Variants in ZNF148 observed in about 807,000 individuals in gnomAD.
ZNF148 encodes the protein zinc finger protein 148, also known as Beta-Enolase Repressor Factor-1.
In ZNF148, 7 loss-of-function variants were observed where a neutral mutation model predicts 67.7. The ratio of observed to expected loss-of-function variants is 0.10; its 90% CI spans 0.06 to 0.19. ZNF148 has a LOEUF of 0.19. Among genes scored for constraint, ZNF148 ranks in the 10% least tolerant of loss-of-function variants. The pLI is 1.00. For missense variants in ZNF148, 583 were observed against 947.1 expected (o/e 0.62, Z 5.05); for synonymous variants, 333 against 330.7 (o/e 1.01, Z -0.08).
chr3:125,307,811 ATT>A (rs34469920), intron 4 of ZNF148, among the ~76,000 whole-genome samples: 90,989 of 127,068 alleles, frequency 0.72, 32,375 homozygotes, highest in African/African-American at 0.78. Context: ...TGCCCAGATA[ATT>A]TTTTTTTTTT....
chr3:125,335,518 C>T (rs563603488), intron 1 of ZNF148, among the ~76,000 whole-genome samples: 2 of 152,288 alleles, frequency 1.3e-5, no homozygotes, highest in East Asian at 3.9e-4. Flanking sequence ...TAAAGAGATT[C>T]AACCTATTGA....
chr3:125,276,477 A>C (rs1938077240), intron 7 of ZNF148, among the ~76,000 whole-genome samples: 1 of 151,954 alleles, frequency 6.6e-6, no homozygotes. Flanking sequence ...CTTATTGCCC[A>C]GGCTGGAGTG....
intron 5 of ZNF148, among the ~76,000 whole-genome samples, chr3:125,282,997 C>T (rs957359197): frequency 6.6e-6 from 1 of 152,100 alleles, no homozygotes; most frequent in African/African-American, 2.4e-5. Flanking sequence ...CAATCAAAAT[C>T]AACTTTGAAG....
intron 5 of ZNF148, among the ~76,000 whole-genome samples, chr3:125,285,760 C>A: frequency 6.6e-6 from 1 of 152,084 alleles, no homozygotes; most frequent in South Asian, 2.1e-4. Flanking sequence ...CCTAAGAATT[C>A]TCTAAAGGGC....
At position 125,241,279 on chromosome 3, in the gene ZNF148, G is replaced by A. The variant is rs145307721; in HGVS notation, c.668-6950C>T. ...GGTAACTACATTTATTTGTTTGTGC[G>A]AGTTTCTTTACAGAGTTTCTTTCTT... On this transcript the variant is annotated intron_variant, in intron 7 of 8. Coordinates refer to ENST00000360647, the MANE Select transcript of ZNF148 (RefSeq NM_021964.3). Among the ~76,000 whole-genome samples the A allele has an allele frequency of 6.6e-3, 1,003 of 151,112 alleles. 3 individuals are homozygous for A. The highest frequency in any genetic ancestry group is 9.1e-3 in the Non-Finnish European group (614 of 67,776).
At chr3:125,374,859 G>A (rs1943011939) in intron 1 of ZNF148, among the ~76,000 whole-genome samples, 2 of 149,486 alleles carry the variant, frequency 1.3e-5, no homozygotes, top group Middle Eastern at 3.5e-3. Flanking sequence ...TCTCGCCTCC[G>A]CCACCCCCGT....
chr3:125,237,256 A>G (rs1423473451), intron 7 of ZNF148, among the ~76,000 whole-genome samples: 1 of 152,186 alleles, frequency 6.6e-6, no homozygotes, highest in African/African-American at 2.4e-5. Flanking sequence ...GTTGTTGGAC[A>G]GGGGAAGAAA....
intron 3 of ZNF148, chr3:125,314,882 A>AC (rs1266223263): frequency 3.3e-5 from 5 of 152,022 alleles, no homozygotes; most frequent in Non-Finnish European, 5.9e-5. Flanking sequence ...ACAAGGCAAA[A>AC]CCCCATCTCT....
chr3:125,249,412 AT>A (rs1936738721), intron 7 of ZNF148, among the ~76,000 whole-genome samples: 1 of 152,204 alleles, frequency 6.6e-6, no homozygotes, highest in Non-Finnish European at 1.5e-5. Flanking sequence ...CAACAGGCAT[AT>A]AAAAATGTAC....
chr3:125,337,350 A>C lies in ZNF148; in HGVS notation c.-233-6112T>G, dbSNP rs62270350. Among the ~76,000 whole-genome samples, 821 of 152,284 alleles carry C rather than the reference A, an allele frequency of 5.4e-3. 7 individuals carry two copies. Among genetic ancestry groups the C allele is most frequent in the Non-Finnish European group, 9.3e-3 (630 of 68,024 alleles). The stretch of plus-strand genomic sequence containing the variant: ...TAAAGAGATAGAACTTTTAAATCTA[A>C]ATCACCTGCTTCCAGAAGAAACATT... On this transcript the variant is annotated intron_variant, in intron 1 of 8. Transcript: ENST00000360647.
chr3:125,275,093 T>C (rs1314035380), intron 7 of ZNF148, among the ~76,000 whole-genome samples: 1 of 152,222 alleles, frequency 6.6e-6, no homozygotes, highest in Non-Finnish European at 1.5e-5. Flanking sequence ...AACATTTTAC[T>C]GTCTTTAAAA....
At chr3:125,279,413 T>C (rs1055797518) in intron 5 of ZNF148, among the ~76,000 whole-genome samples, 166 bp from the exon 6 acceptor site, 25 of 152,192 alleles carry the variant, frequency 1.6e-4, no homozygotes, top group African/African-American at 5.8e-4. Flanking sequence ...TATCATTAAC[T>C]GTAGGAAAGT....
intron 7 of ZNF148, among the ~76,000 whole-genome samples, chr3:125,258,382 G>A (rs1037309590): frequency 6.5e-5 from 8 of 122,316 alleles, no homozygotes; most frequent in Non-Finnish European, 7.9e-5. Context: ...CCGAGATTGC[G>A]CCACTGCACT....
chr3:125,329,324 AT>A (rs987621036), intron 2 of ZNF148, among the ~76,000 whole-genome samples: 501 of 141,450 alleles, frequency 3.5e-3, no homozygotes, highest in Non-Finnish European at 5.8e-3. Flanking sequence ...TATATATATA[AT>A]TTTTTATATA....
At chr3:125,359,114 C>A (rs1348584148) in intron 1 of ZNF148, among the ~76,000 whole-genome samples, 1 of 152,192 alleles carries the variant, frequency 6.6e-6, no homozygotes, top group Non-Finnish European at 1.5e-5. Flanking sequence ...CTGAATCAGG[C>A]AGGGCTGCTA....
chr3:125,292,859 A>G (rs1939086901), intron 4 of ZNF148: 1 of 152,168 alleles, frequency 6.6e-6, no homozygotes, highest in African/African-American at 2.4e-5. Flanking sequence ...AAAAGTATAC[A>G]GTGGCATTTT....
intron 7 of ZNF148, among the ~76,000 whole-genome samples, chr3:125,275,787 C>T (rs1938026893): frequency 1.3e-5 from 2 of 152,178 alleles, no homozygotes; most frequent in African/African-American, 4.8e-5. Flanking sequence ...TTCATACTCA[C>T]ACACAAAATA....
In ZNF148 at chr3:125,341,781, G is replaced by C. The variant is rs541578350; in HGVS notation, c.-233-10543C>G. 2.7e-4 allele frequency among the ~76,000 whole-genome samples: 41 copies of C among 152,170 alleles called. No homozygotes were observed. In the South Asian group the frequency reaches 7.9e-3, roughly 29 times the overall value. Reference sequence around the variant, plus strand: ...AGGCCAAGGCAGGTGGATTACGTGAGCTTAGGAGTTCAAGACCAGCCTGGG... The same window carrying C: ...AGGCCAAGGCAGGTGGATTACGTGACCTTAGGAGTTCAAGACCAGCCTGGG... On this transcript the variant is annotated intron_variant, in intron 1 of 8. Coordinates refer to ENST00000360647, the MANE Select transcript of ZNF148 (RefSeq NM_021964.3).
intron 4 of ZNF148, among the ~76,000 whole-genome samples, chr3:125,294,304 C>T (rs1474188852): frequency 1.3e-5 from 2 of 152,180 alleles, no homozygotes; most frequent in East Asian, 1.9e-4. Context: ...AATCCTCAAA[C>T]AGAAAAAGGG....
Sources: gnomAD v4.1 joint callset for allele counts (sites outside exome capture counted in the v4.1 genomes callset) on GRCh38, gnomAD v4.1.1 for gene constraint, MANE v1.5 for transcripts, NCBI Gene and HGNC (gene_info 2026-07-23, HGNC 2026-07-21) for gene names.